Variants in SULT1C4 observed in about 807,000 individuals in gnomAD.
SULT1C4 encodes sulfotransferase family 1C member 4, also known as sulfotransferase 1C4.
In SULT1C4, 32 loss-of-function variants were observed where a neutral mutation model predicts 34.8. The ratio of observed to expected loss-of-function variants is 0.92; its 90% confidence interval spans 0.69 to 1.23. The LOEUF (loss-of-function observed/expected upper bound fraction) is 1.23, where lower values mean the gene tolerates loss of function less well. Ranked by LOEUF, SULT1C4 falls within the 50% of genes most tolerant of loss-of-function variation. The pLI is 0.00. For missense variants in SULT1C4, 375 were observed against 365.9 expected (o/e 1.02, Z -0.20); for synonymous variants, 111 against 120.5 (o/e 0.92, Z 0.51).
intron 5 of SULT1C4, 86 bp downstream of exon 5, chr2:108,383,596 G>A: frequency 8.0e-7 from 1 of 1,245,122 alleles, no homozygotes; most frequent in South Asian, 1.7e-5. Context: ...GACTCAGATT[G>A]ATGCGGGGAA....
chr2:108,379,714 TAGAA>T (rs1009017026), intron 1 of SULT1C4, among the ~76,000 whole-genome samples: 5 of 152,168 alleles, frequency 3.3e-5, no homozygotes, highest in Non-Finnish European at 7.3e-5. Flanking sequence ...GCTATTTTAT[TAGAA>T]GGAAGAAGAA....
At chr2:108,385,537 G>A (rs1313289901) in intron 5 of SULT1C4, among the ~76,000 whole-genome samples, 2 of 152,158 alleles carry the variant, frequency 1.3e-5, no homozygotes, top group Admixed American at 6.5e-5. Context: ...ACAGTGGTCA[G>A]GGTAAGCGCT....
chr2:108,386,119 C>G (rs1017542406), intron 5 of SULT1C4, 73 bp from the exon 6 acceptor site: 2 of 1,183,878 alleles, frequency 1.7e-6, no homozygotes, highest in Non-Finnish European at 2.2e-6. Flanking sequence ...CGGTTACTGT[C>G]ATTAATCCAT....
At position 108,383,152 on chromosome 2, in the gene SULT1C4, A is replaced by C. The variant is rs776763656; in HGVS notation, c.453A>C (p.Arg151Ser). The C allele has an allele frequency of 6.2e-7, 1 of 1,613,302 alleles. No individual in the cohort carries two copies. Among genetic ancestry groups the C allele is most frequent in the South Asian group, 1.1e-5 (1 of 90,648 alleles). The change falls in exon 4 of 7, where the codon AGA (arginine) becomes AGC (serine). Residue 151 changes from arginine to serine, a missense_variant. Physicochemically the swap from Arg to Ser is moderately radical, Grantham distance 110 (BLOSUM62 -1). Coordinates refer to ENST00000272452, the MANE Select transcript of SULT1C4 (RefSeq NM_006588.4). ...DNMVSYYHFQ[R>S]MNKALPAPGT... The stretch of plus-strand genomic sequence containing the variant: ...TGGTGTCCTATTACCATTTCCAAAG[A>C]ATGAATAAAGCTCTTCCTGCTCCAG...
chr2:108,387,387 G>A lies in SULT1C4; in HGVS notation c.864G>A (p.Lys288=), dbSNP rs754308601. ...AQNERFDEDY[K]KKMTDTRLTF... is the part of the protein sequence containing the mutation. Reference sequence around the variant, plus strand: ...ATGAGAGATTTGATGAAGATTACAAGAAGAAAATGACTGATACCAGACTAA... The same window carrying A: ...ATGAGAGATTTGATGAAGATTACAAAAAGAAAATGACTGATACCAGACTAA... The change falls in exon 7 of 7, where the codon AAG becomes AAA. Residue 288 remains lysine (K), a synonymous_variant. Coordinates refer to ENST00000272452, the MANE Select transcript of SULT1C4 (RefSeq NM_006588.4). 19 of 1,613,536 alleles carry A rather than the reference G, an allele frequency of 1.2e-5. No homozygotes were observed. In the Admixed American group the frequency reaches 2.8e-4, roughly 24 times the overall value.
chr2:108,378,482 C>A lies in SULT1C4; in HGVS notation c.145C>A (p.Leu49Ile). 6.2e-7 allele frequency: 1 copy of A among 1,614,058 alleles called. No individual in the cohort carries two copies. Reference sequence around the variant, plus strand: ...CTTCCAAGCCAAGCCTGATGACCTGCTTATTTCTACCTATCCTAAAGCAGG... The same window carrying A: ...CTTCCAAGCCAAGCCTGATGACCTGATTATTTCTACCTATCCTAAAGCAGG... Reference protein sequence around the residue: ...WNFQAKPDDLLISTYPKAGTT... With the variant: ...WNFQAKPDDLIISTYPKAGTT... The change falls in exon 1 of 7, where the codon CTT becomes ATT. Residue 49 changes from leucine (L) to isoleucine (I), a missense_variant. By Grantham distance (5) the Leu-to-Ile change is conservative. Transcript: ENST00000272452.
rs769561354 is a variant in SULT1C4 at position 108,378,353 on chromosome 2, A to T, written c.16A>T (p.Met6Leu). Residue 6 changes from methionine to leucine, a missense_variant, in exon 1 of 7, where the codon ATG (methionine) becomes TTG (leucine). Physicochemically the swap from Met to Leu is conservative, Grantham distance 15. Transcript: ENST00000272452. ...TCTTACACTAATGGCCTTACACGAC[A>T]TGGAGGATTTTACATTTGATGGAAC... MALHD[M>L]EDFTFDGTKR... is the part of the protein sequence containing the mutation. 26 of 1,613,824 alleles carry T rather than the reference A, an allele frequency of 1.6e-5. No individual in the cohort carries two copies. The highest frequency in any genetic ancestry group is 1.4e-5 in the Non-Finnish European group (17 of 1,179,956).
Position 108,381,803 on chromosome 2 carries a change from GA to G in SULT1C4, c.213del (p.Gly72ValfsTer20). 2 of 1,465,568 alleles carry G rather than the reference GA, an allele frequency of 1.4e-6. No individual in the cohort carries two copies. Among genetic ancestry groups the G allele is most frequent in the South Asian group, 1.6e-5 (1 of 62,786 alleles). The allele number at this position is 1,465,568 out of a possible 1,614,324, so 90.8% of individuals were successfully genotyped here. A position where few individuals can be genotyped will look rare whatever the true frequency, so the allele number is the denominator to read the frequency against. On this transcript the variant is annotated frameshift_variant, in exon 2 of 7. Coordinates refer to ENST00000272452, the MANE Select transcript of SULT1C4 (RefSeq NM_006588.4). LOFTEE classifies it high-confidence loss of function. ...TQEIVELIQN[E>X]GDVEKSKRAP... ...GGAGATAGTGGAATTAATACAAAATGAAGGTGATGTGGAGAAAAGTAAACGG... is the reference window on the plus strand; with the variant it reads ...GGAGATAGTGGAATTAATACAAAATGAGGTGATGTGGAGAAAAGTAAACGG...
rs536144839 is a variant in SULT1C4 at position 108,388,447 on chromosome 2, C to CT, written c.*1016dup. On this transcript the variant is annotated 3_prime_UTR_variant, in exon 7 of 7. Transcript: ENST00000272452. Reference sequence around the variant, plus strand: ...CGTCTAACCATTCCTTGTTTTCCTTCTATTTCTATAGCCACCCTTCTGGTT... The same window carrying CT: ...CGTCTAACCATTCCTTGTTTTCCTTCTTATTTCTATAGCCACCCTTCTGGTT... Among the ~76,000 whole-genome samples, 15 of 152,330 alleles carry CT rather than the reference C, an allele frequency of 9.8e-5. 1 individual carries two copies. In the South Asian group the frequency reaches 2.9e-3, roughly 29 times the overall value.
intron 5 of SULT1C4, among the ~76,000 whole-genome samples, chr2:108,385,438 C>T (rs534979099): frequency 3.9e-4 from 60 of 152,320 alleles, no homozygotes; most frequent in Non-Finnish European, 7.6e-4. Flanking sequence ...TCACAATTCT[C>T]AGCACTCTCT....
At position 108,383,162 on chromosome 2, in the gene SULT1C4, G is replaced by A; in HGVS notation, c.463G>A (p.Ala155Thr). 1 of 1,613,052 alleles carries A rather than the reference G, an allele frequency of 6.2e-7. No individual in the cohort carries two copies. Among genetic ancestry groups the A allele is most frequent in the Non-Finnish European group, 8.5e-7 (1 of 1,179,804 alleles). Residue 155 changes from alanine to threonine, a missense_variant, in exon 4 of 7, where the codon GCT becomes ACT. Coordinates refer to ENST00000272452, the MANE Select transcript of SULT1C4 (RefSeq NM_006588.4). ...TTACCATTTCCAAAGAATGAATAAA[G>A]CTCTTCCTGCTCCAGGAACATGGGA... is the stretch of plus-strand genomic sequence containing the variant. ...SYYHFQRMNK[A>T]LPAPGTWEEY... is the part of the protein sequence containing the mutation.
At chr2:108,380,876 G>A (rs1678370349) in intron 1 of SULT1C4, among the ~76,000 whole-genome samples, 1 of 152,226 alleles carries the variant, frequency 6.6e-6, no homozygotes, top group Non-Finnish European at 1.5e-5. Flanking sequence ...TCACTGGAGG[G>A]ATCTAAATAG....
At chr2:108,381,678 A>G in intron 1 of SULT1C4, 84 bp from the exon 2 acceptor site, 1 of 1,287,934 alleles carries the variant, frequency 7.8e-7, no homozygotes, top group Non-Finnish European at 1.0e-6. Flanking sequence ...CAAAAGACAT[A>G]GATGTTCTAA....
chr2:108,382,581 A>ATG, intron 3 of SULT1C4, 99 bp downstream of exon 3: 2 of 842,014 alleles, frequency 2.4e-6, no homozygotes, highest in South Asian at 3.2e-5. Flanking sequence ...ATATATATAT[A>ATG]CCTCTTCACA....
intron 1 of SULT1C4, among the ~76,000 whole-genome samples, chr2:108,380,746 A>G (rs907744111): frequency 6.6e-6 from 1 of 152,194 alleles, no homozygotes; most frequent in African/African-American, 2.4e-5. Flanking sequence ...GCACTGGGCC[A>G]TGGAACGTGG....
intron 1 of SULT1C4, 50 bp from the exon 2 acceptor site, chr2:108,381,712 G>A: frequency 7.5e-7 from 1 of 1,324,742 alleles, no homozygotes; most frequent in African/African-American, 1.5e-5. Context: ...ATATTTTAAG[G>A]AATGTACTAT....
At chr2:108,384,323 C>T (rs1038082312) in intron 5 of SULT1C4, among the ~76,000 whole-genome samples, 4 of 152,122 alleles carry the variant, frequency 2.6e-5, no homozygotes, top group African/African-American at 9.7e-5. Context: ...CTCCGCCTCC[C>T]GGGTTCACAC....
chr2:108,378,923 G>A (rs1678318306), intron 1 of SULT1C4, among the ~76,000 whole-genome samples: 1 of 152,112 alleles, frequency 6.6e-6, no homozygotes, highest in African/African-American at 2.4e-5. Flanking sequence ...CTGCAATGCT[G>A]ATATCACCTC....
intron 1 of SULT1C4, among the ~76,000 whole-genome samples, 159 bp downstream of exon 1, chr2:108,378,665 A>G (rs1348071475): frequency 5.9e-5 from 9 of 152,138 alleles, no homozygotes; most frequent in Admixed American, 5.9e-4. Flanking sequence ...ATACCGAAAC[A>G]TACTAAAATG....
Sources: allele counts gnomAD v4.1 joint callset (sites outside exome capture counted in the v4.1 genomes callset), GRCh38; gene constraint gnomAD v4.1.1; transcripts MANE v1.5; gene names NCBI Gene and HGNC (gene_info 2026-07-23, HGNC 2026-07-21).